Variants in ATL1 observed in about 807,000 individuals in gnomAD.
ATL1 encodes atlastin GTPase 1, also known as atlastin-1.
In ATL1, 31 loss-of-function variants were observed where a neutral mutation model predicts 75.5. The ratio of observed to expected loss-of-function variants is 0.41; its 90% confidence interval spans 0.31 to 0.55. The LOEUF is 0.55. Among genes scored for constraint, ATL1 ranks in the 20% least tolerant of loss-of-function variants. The pLI is 0.27. For missense variants in ATL1, 405 were observed against 662.6 expected, an observed-to-expected ratio of 0.61 and a Z score of 4.27; for synonymous variants, 226 against 233.3, an observed-to-expected ratio of 0.97 and a Z score of 0.28.
At chr14:50,560,889 T>G (rs953185588) in intron 1 of ATL1, among the ~76,000 whole-genome samples, 1 of 152,138 alleles carries the variant, frequency 6.6e-6, no homozygotes, top group Non-Finnish European at 1.5e-5. Flanking sequence ...TGGGAATTCC[T>G]GAGCACTGCA....
chr14:50,539,479 G>A (rs2038534599), intron 1 of ATL1, among the ~76,000 whole-genome samples: 1 of 152,182 alleles, frequency 6.6e-6, no homozygotes, highest in Admixed American at 6.5e-5. Context: ...ATATGGCTGA[G>A]GACCAAGTCC....
At chr14:50,556,696 T>C (rs1192193768), upstream of ATL1, among the ~76,000 whole-genome samples, 1 of 152,194 alleles carries the variant, frequency 6.6e-6, no homozygotes, top group Admixed American at 6.5e-5. Context: ...ACTTTCTGCC[T>C]CTTTAGATTT....
At chr14:50,560,766 G>T (rs1316102642) in intron 1 of ATL1, among the ~76,000 whole-genome samples, 1 of 152,218 alleles carries the variant, frequency 6.6e-6, no homozygotes, top group Non-Finnish European at 1.5e-5. Context: ...GCTCTGCAGG[G>T]CGCGGGCTCC....
At chr14:50,591,493 A>T in intron 3 of ATL1, 42 bp from the exon 4 acceptor site, 1 of 1,306,750 alleles carries the variant, frequency 7.7e-7, no homozygotes, top group Non-Finnish European at 1.1e-6. Context: ...AATGACCTAG[A>T]TGTTCTATAA....
intron 11 of ATL1, 46 bp from the exon 12 acceptor site, chr14:50,627,978 GTTGCCAA>G: frequency 6.3e-7 from 1 of 1,586,816 alleles, no homozygotes; most frequent in South Asian, 1.1e-5. Flanking sequence ...TTTTGATACA[GTTGCCAA>G]TTTTACTCTG....
At position 50,633,037 on chromosome 14, in the gene ATL1, G is replaced by C. The variant is rs2039599579; in HGVS notation, c.*698G>C. On this transcript the variant is annotated 3_prime_UTR_variant, in exon 14 of 14. Transcript: ENST00000358385. ...TATTAAAGTTTACTCTGGTTCCTAA[G>C]ATTAAAAACAAATGCTTACTGAATT... 6.6e-6 allele frequency: 1 copy of C among 152,046 alleles called. No homozygotes were observed. The highest frequency in any genetic ancestry group is 2.4e-5 in the African/African-American group (1 of 41,418). 9.4% of individuals were successfully genotyped at this position (152,046 alleles called of 1,614,324 possible).
chr14:50,587,941 G>T lies in ATL1; in HGVS notation c.145G>T (p.Asp49Tyr). 6.2e-7 allele frequency: 1 copy of T among 1,614,190 alleles called. No homozygotes were observed. Among genetic ancestry groups the T allele is most frequent in the Non-Finnish European group, 8.5e-7 (1 of 1,180,036 alleles). ...CAAAGATGACCATTCCTTTGAGTTA[G>T]ATGAAACTGCATTAAATCGGATCCT... ...IVKDDHSFEL[D>Y]ETALNRILLS... The change falls in exon 2 of 14, where the codon GAT (aspartate) becomes TAT (tyrosine). Residue 49 changes from aspartate to tyrosine, a missense_variant. Around this residue, in one of 5 missense-constraint regions of ATL1, gnomAD observed 126 missense variants for 172.0 expected, o/e 0.73. Coordinates refer to ENST00000358385, the MANE Select transcript of ATL1 (RefSeq NM_015915.5).
intron 6 of ATL1, among the ~76,000 whole-genome samples, chr14:50,607,651 A>G (rs1158844052): frequency 6.6e-6 from 1 of 152,056 alleles, no homozygotes; most frequent in African/African-American, 2.4e-5. Context: ...AACTGATTAC[A>G]TGTATTAAAA....
intron 8 of ATL1, among the ~76,000 whole-genome samples, chr14:50,619,471 G>A (rs1041188927): frequency 1.8e-4 from 28 of 152,158 alleles, no homozygotes; most frequent in Non-Finnish European, 3.1e-4. Flanking sequence ...CCAAAGTGCC[G>A]GGATTACAGG....
At chr14:50,539,541 C>G (rs956624007) in intron 1 of ATL1, among the ~76,000 whole-genome samples, 2 of 152,152 alleles carry the variant, frequency 1.3e-5, no homozygotes, top group Non-Finnish European at 2.9e-5. Context: ...AACGTGAGAC[C>G]CAGTTCTGTT....
intron 6 of ATL1, among the ~76,000 whole-genome samples, chr14:50,608,505 CAGCACATCACTGGATGAG>C (rs1041072481): frequency 6.6e-6 from 1 of 151,984 alleles, no homozygotes; most frequent in Non-Finnish European, 1.5e-5. Context: ...GCCAGTTTAT[CAGCACATCACTGGATGAG>C]AGCATCAGGC....
At chr14:50,585,726 T>G (rs1244999225) in intron 1 of ATL1, among the ~76,000 whole-genome samples, 1 of 152,200 alleles carries the variant, frequency 6.6e-6, no homozygotes, top group African/African-American at 2.4e-5. Context: ...ATTGGGAAGC[T>G]AAATAATTTC....
At chr14:50,557,213 A>G (rs1279178154), upstream of ATL1, among the ~76,000 whole-genome samples, 2 of 152,224 alleles carry the variant, frequency 1.3e-5, no homozygotes, top group Non-Finnish European at 2.9e-5. Flanking sequence ...GGAGAATGTG[A>G]AACATTACTG....
At chr14:50,623,353 G>T in intron 11 of ATL1, 105 bp downstream of exon 11, 3 of 904,632 alleles carry the variant, frequency 3.3e-6, no homozygotes, top group Non-Finnish European at 5.4e-6. Flanking sequence ...ATGCAATGAG[G>T]TGGCTTTGAC....
rs748279652 is a variant in ATL1 at position 50,593,890 on chromosome 14, C to T, written c.567C>T (p.His189=). The T allele has an allele frequency of 6.2e-7, 1 of 1,605,606 alleles. No individual in the cohort carries two copies. Among genetic ancestry groups the T allele is most frequent in the South Asian group, 1.1e-5 (1 of 90,904 alleles). The change falls in exon 5 of 14, where the codon CAC becomes CAT. Residue 189 remains histidine (H), a synonymous_variant. Transcript: ENST00000358385. ...SQNVQEDDLQ[H]LQLFTEYGRL... ...ATGTCCAGGAGGATGATCTTCAGCACCTCCAGGTAACAATATTTATTTTCT... is the reference window on the plus strand; with the variant it reads ...ATGTCCAGGAGGATGATCTTCAGCATCTCCAGGTAACAATATTTATTTTCT...
intron 1 of ATL1, among the ~76,000 whole-genome samples, chr14:50,541,375 G>A (rs934666220): frequency 1.3e-5 from 2 of 152,162 alleles, no homozygotes; most frequent in African/African-American, 4.8e-5. Flanking sequence ...ACCAGAGAAC[G>A]AGAGATAAAC....
At chr14:50,558,228 G>A (rs921870975), upstream of ATL1, among the ~76,000 whole-genome samples, 1 of 152,090 alleles carries the variant, frequency 6.6e-6, no homozygotes, top group African/African-American at 2.4e-5. Context: ...GCGTGCTGGC[G>A]ACCGCCAGTA....
At chr14:50,609,999 G>A (rs545387362) in intron 6 of ATL1, among the ~76,000 whole-genome samples, 1 of 151,682 alleles carries the variant, frequency 6.6e-6, no homozygotes, top group Non-Finnish European at 1.5e-5. Flanking sequence ...TTCTTACAGA[G>A]GTTTTCCTCT....
chr14:50,619,539 A>C (rs900007363), intron 8 of ATL1, among the ~76,000 whole-genome samples: 2 of 152,170 alleles, frequency 1.3e-5, no homozygotes, highest in African/African-American at 4.8e-5. Context: ...CAATTTAAGA[A>C]ATTGTCCCTG....
Sources: allele counts gnomAD v4.1 joint callset (sites outside exome capture counted in the v4.1 genomes callset), GRCh38; gene constraint gnomAD v4.1.1; regional missense constraint gnomAD v4.1.1; transcripts MANE v1.5; gene names NCBI Gene and HGNC (gene_info 2026-07-23, HGNC 2026-07-21).